Variants in PEMT observed in about 807,000 individuals in gnomAD.
PEMT encodes the protein phosphatidylethanolamine N-methyltransferase.
PEMT carries 23 observed loss-of-function variants against 27.4 expected under a neutral mutation model. That is an observed-to-expected ratio of 0.84 (90% CI 0.60 to 1.19). PEMT has a LOEUF of 1.19. Ranked by LOEUF, PEMT falls within the 50% of genes most tolerant of loss-of-function variation. The pLI is 0.00. For missense variants in PEMT, 307 were observed against 310.1 expected (o/e 0.99, Z 0.07); for synonymous variants, 137 against 139.1 (o/e 0.98, Z 0.11).
At chr17:17,562,315 G>A (rs932755731) in intron 2 of PEMT, among the ~76,000 whole-genome samples, 2 of 152,236 alleles carry the variant, frequency 1.3e-5, no homozygotes, top group South Asian at 2.1e-4. Flanking sequence ...GCTCACTGCA[G>A]CGGCAGCCAC....
chr17:17,537,131 G>A (rs1908531732), intron 2 of PEMT, among the ~76,000 whole-genome samples: 1 of 152,198 alleles, frequency 6.6e-6, no homozygotes, highest in African/African-American at 2.4e-5. Context: ...TCTGTCTGAG[G>A]GTCTCTGAGC....
intron 2 of PEMT, among the ~76,000 whole-genome samples, chr17:17,554,906 G>A (rs1909940547): frequency 6.6e-6 from 1 of 152,210 alleles, no homozygotes; most frequent in South Asian, 2.1e-4. Flanking sequence ...ACGAGCCATC[G>A]CGCCCGGCCA....
At chr17:17,521,205 C>A (rs560702972) in intron 3 of PEMT, among the ~76,000 whole-genome samples, 1 of 152,310 alleles carries the variant, frequency 6.6e-6, no homozygotes, top group Admixed American at 6.5e-5. Context: ...TCTGTCTCGA[C>A]AAGTCAAAAA....
At chr17:17,574,371 G>A (rs568548288) in intron 2 of PEMT, among the ~76,000 whole-genome samples, 152 of 143,188 alleles carry the variant, frequency 1.1e-3, no homozygotes, top group African/African-American at 3.8e-3. Flanking sequence ...CCAGGCTGGA[G>A]TACAGTGGTG....
upstream of PEMT, chr17:17,592,000 G>T (rs978210788): frequency 2.4e-5 from 24 of 985,242 alleles, no homozygotes; most frequent in Middle Eastern, 5.2e-4. Context: ...CGGCGGTGGG[G>T]CTAGAGGCCG....
intron 2 of PEMT, among the ~76,000 whole-genome samples, chr17:17,532,519 AG>A (rs1329959225): frequency 6.6e-6 from 1 of 152,366 alleles, no homozygotes; most frequent in East Asian, 1.9e-4. Context: ...AAGAAACAAA[AG>A]ATCTAAATAA....
intron 2 of PEMT, among the ~76,000 whole-genome samples, chr17:17,528,985 CA>C (rs1907900347): frequency 2.0e-5 from 3 of 152,230 alleles, no homozygotes; most frequent in Admixed American, 2.0e-4. Context: ...AAGTGCTGTC[CA>C]CACCGCGCAT....
intron 2 of PEMT, among the ~76,000 whole-genome samples, chr17:17,569,384 G>C (rs866457781): frequency 1.2e-4 from 18 of 152,334 alleles, no homozygotes; most frequent in African/African-American, 4.3e-4. Context: ...AGGGGCCTCA[G>C]AGGGGAGGAG....
At chr17:17,534,077 C>T (rs1908292467) in intron 2 of PEMT, among the ~76,000 whole-genome samples, 1 of 152,120 alleles carries the variant, frequency 6.6e-6, no homozygotes, top group Non-Finnish European at 1.5e-5. Context: ...CCACATGACC[C>T]AGCCATTCCA....
At chr17:17,568,236 C>T (rs1910962278) in intron 2 of PEMT, among the ~76,000 whole-genome samples, 2 of 152,214 alleles carry the variant, frequency 1.3e-5, no homozygotes, top group Non-Finnish European at 2.9e-5. Flanking sequence ...CTCCAAAAAG[C>T]CCACGTGGGC....
chr17:17,589,203 C>T (rs986507446), intron 1 of PEMT, among the ~76,000 whole-genome samples: 10 of 152,064 alleles, frequency 6.6e-5, no homozygotes, highest in Non-Finnish European at 1.2e-4. Context: ...CTCAGGTGAT[C>T]CACCTGCTTT....
At chr17:17,527,577 A>AC (rs11440669) in intron 2 of PEMT, among the ~76,000 whole-genome samples, 28,856 of 152,222 alleles carry the variant, frequency 0.19, 5,249 homozygotes, top group African/African-American at 0.48. Flanking sequence ...CGACTGCGTC[A>AC]CAGAGCTGCT....
intron 2 of PEMT, among the ~76,000 whole-genome samples, chr17:17,562,756 T>A (rs1371570755): frequency 2.0e-5 from 3 of 151,410 alleles, no homozygotes; most frequent in Non-Finnish European, 4.4e-5. Context: ...TTGCAGTGAG[T>A]GGAGATCGCA....
chr17:17,533,893 G>A (rs1186016790), intron 2 of PEMT, among the ~76,000 whole-genome samples: 5 of 152,050 alleles, frequency 3.3e-5, no homozygotes, highest in Non-Finnish European at 5.9e-5. Flanking sequence ...ACGACACCCG[G>A]CTAATTTTTG....
intron 4 of PEMT, among the ~76,000 whole-genome samples, chr17:17,510,964 G>T (rs967020636): frequency 1.3e-5 from 2 of 152,084 alleles, no homozygotes; most frequent in Non-Finnish European, 2.9e-5. Context: ...TCCTGGAAGG[G>T]CCCCTCCACA....
chr17:17,521,638 C>G (rs1245268610), intron 3 of PEMT, among the ~76,000 whole-genome samples: 2 of 152,168 alleles, frequency 1.3e-5, no homozygotes, highest in Non-Finnish European at 2.9e-5. Context: ...AACCTCGGCT[C>G]ACTGCAACCT....
rs70965405 is a variant in PEMT, at chr17:17,510,656, C to T, written c.467-1111G>A. 1.1e-3 allele frequency among the ~76,000 whole-genome samples: 170 copies of T among 152,338 alleles called. 1 individual carries two copies. Among genetic ancestry groups the T allele is most frequent in the African/African-American group, 3.7e-3 (154 of 41,584 alleles). On this transcript the variant is annotated intron_variant, in intron 4 of 6. Transcript: ENST00000255389. Reference sequence around the variant, plus strand: ...AGTGACCACCTTTGCCTACATACCGCGCTGCTGGTCCTCGGTGTTTCTAGG... The same window carrying T: ...AGTGACCACCTTTGCCTACATACCGTGCTGCTGGTCCTCGGTGTTTCTAGG...
intron 2 of PEMT, among the ~76,000 whole-genome samples, chr17:17,551,223 G>C (rs1314720576): frequency 1.3e-5 from 2 of 152,208 alleles, no homozygotes; most frequent in Non-Finnish European, 2.9e-5. Flanking sequence ...CTCAGGAAGG[G>C]ACCCAAGACA....
intron 2 of PEMT, among the ~76,000 whole-genome samples, chr17:17,527,333 G>A (rs1185656224): frequency 2.0e-5 from 3 of 152,192 alleles, no homozygotes; most frequent in Non-Finnish European, 4.4e-5. Context: ...CACTGTGCCC[G>A]GTGAGGGTAG....
Sources: allele counts gnomAD v4.1 joint callset (sites outside exome capture counted in the v4.1 genomes callset), GRCh38; gene constraint gnomAD v4.1.1; transcripts MANE v1.5; gene names NCBI Gene and HGNC (gene_info 2026-07-23, HGNC 2026-07-21).